Variants in TYW1B observed in about 807,000 individuals in gnomAD.
TYW1B encodes tRNA-yW synthesizing protein 1 homolog B.
TYW1B carries 73 observed loss-of-function variants against 86.9 expected under a neutral mutation model. The observed-to-expected ratio is 0.84, with a 90% CI of 0.70 to 1.02. The LOEUF (loss-of-function observed/expected upper bound fraction) is 1.02, where lower values mean the gene tolerates loss of function less well. Among genes scored for constraint, TYW1B ranks in the 50% least tolerant of loss-of-function variants. The probability of loss-of-function intolerance (pLI) is 0.00; values close to 1 mark genes in which losing one functional copy is unlikely to be tolerated. For synonymous variants in TYW1B, 248 were observed against 292.8 expected (o/e 0.85, Z 1.56); for missense variants, 637 against 827.4 (o/e 0.77, Z 2.82).
At chr7:72,656,617 A>C (rs565775010) in intron 11 of TYW1B, among the ~76,000 whole-genome samples, 2 of 152,208 alleles carry the variant, frequency 1.3e-5, no homozygotes, top group East Asian at 3.9e-4. Flanking sequence ...GTCTCAAAAA[A>C]AAAAAGAAAA....
intron 11 of TYW1B, among the ~76,000 whole-genome samples, chr7:72,671,402 T>C (rs1813597929): frequency 6.6e-6 from 1 of 152,226 alleles, no homozygotes; most frequent in African/African-American, 2.4e-5. Flanking sequence ...AGTTTGCTTC[T>C]AATCTTCTGC....
chr7:72,632,355 T>TTATATATATATACGTATATATAA lies in TYW1B; in HGVS notation c.1507-3359_1507-3358insTTATATATACGTATATATATATA, dbSNP rs1384285974. Reference sequence around the variant, plus strand: ...TATACACGTATATATATTATATATATTATATATATACGCATATATATTATA... The same window carrying TTATATATATATACGTATATATAA: ...TATACACGTATATATATTATATATATTATATATATATACGTATATATAATATATATATACGCATATATATTATA... On this transcript the variant is annotated intron_variant, in intron 11 of 13. Coordinates refer to ENST00000620995, the MANE Select transcript of TYW1B (RefSeq NM_001145440.3). Among the ~76,000 whole-genome samples, 22 of 117,882 alleles carry TTATATATATATACGTATATATAA rather than the reference T, an allele frequency of 1.9e-4. 1 individual carries two copies. Among genetic ancestry groups the TTATATATATATACGTATATATAA allele is most frequent in the Admixed American group, 6.1e-4 (6 of 9,916 alleles). The allele number at this position is 117,882 out of a possible 152,430, so 77.3% of individuals were successfully genotyped here.
At chr7:72,768,233 C>A (rs112901433) in intron 7 of TYW1B, among the ~76,000 whole-genome samples, 1 of 151,484 alleles carries the variant, frequency 6.6e-6, no homozygotes, top group Admixed American at 6.6e-5. Context: ...AGGGCAAGAC[C>A]CTACCTCAAA....
At chr7:72,816,633 G>C (rs1213254233) in intron 2 of TYW1B, among the ~76,000 whole-genome samples, 2 of 152,280 alleles carry the variant, frequency 1.3e-5, no homozygotes, top group South Asian at 4.1e-4. Context: ...AAACTGATGA[G>C]AGGTTAAACT....
chr7:72,626,004 T>C (rs1268658532), intron 12 of TYW1B, among the ~76,000 whole-genome samples: 1 of 151,882 alleles, frequency 6.6e-6, no homozygotes, highest in Non-Finnish European at 1.5e-5. Flanking sequence ...CATTCTTTAA[T>C]AGCTAAATCA....
intron 7 of TYW1B, among the ~76,000 whole-genome samples, chr7:72,766,613 C>CAA (rs56738770): frequency 0.089 from 7,379 of 82,640 alleles, 644 homozygotes; most frequent in East Asian, 0.32. Context: ...GATTCAGTCT[C>CAA]AAAAAAAAAA....
intron 7 of TYW1B, among the ~76,000 whole-genome samples, chr7:72,762,235 G>C (rs376509263): frequency 1.3e-5 from 2 of 152,072 alleles, no homozygotes; most frequent in African/African-American, 4.8e-5. Flanking sequence ...TGGAGATGTA[G>C]TGTTTTTCAT....
At chr7:72,728,570 G>T (rs1291154310) in intron 9 of TYW1B, among the ~76,000 whole-genome samples, 2 of 152,178 alleles carry the variant, frequency 1.3e-5, no homozygotes, top group Non-Finnish European at 2.9e-5. Flanking sequence ...GCCTCCCAAA[G>T]TGCTGGGATT....
rs1387251269 is a variant in TYW1B, at chr7:72,810,385, C to T, written c.432+86G>A. 20 of 887,230 alleles carry T rather than the reference C, an allele frequency of 2.3e-5. No homozygotes were observed. The East Asian group carries it at 3.9e-4, about 17-fold the overall frequency. 55.0% of individuals were successfully genotyped at this position (887,230 alleles called of 1,614,324 possible). A position where few individuals can be genotyped will look rare whatever the true frequency, so the allele number is the denominator to read the frequency against. On this transcript the variant is annotated intron_variant, in intron 4 of 13. Transcript: ENST00000620995. The stretch of plus-strand genomic sequence containing the variant: ...GTTTATGTGTGTGTACGTGTGTGCA[C>T]GTGTGTTTGTGTGTGTGTACGTGTG...
chr7:72,742,554 G>GAC (rs781975018), intron 8 of TYW1B, among the ~76,000 whole-genome samples: 30 of 152,184 alleles, frequency 2.0e-4, no homozygotes, highest in Non-Finnish European at 3.7e-4. Flanking sequence ...TTGTGACAAT[G>GAC]ACATAAAGGA....
intron 12 of TYW1B, among the ~76,000 whole-genome samples, chr7:72,621,213 C>A (rs1812206061): frequency 7.2e-5 from 11 of 152,300 alleles, no homozygotes; most frequent in Admixed American, 6.5e-4. Context: ...CAGCCTGTGG[C>A]CCTCACCACA....
At chr7:72,651,846 A>G (rs1813067076) in intron 11 of TYW1B, among the ~76,000 whole-genome samples, 1 of 152,204 alleles carries the variant, frequency 6.6e-6, no homozygotes, top group Non-Finnish European at 1.5e-5. Flanking sequence ...GATTAAACAC[A>G]TATTACAATA....
At chr7:72,813,329 C>T (rs1586004600) in intron 3 of TYW1B, among the ~76,000 whole-genome samples, 1 of 152,148 alleles carries the variant, frequency 6.6e-6, no homozygotes, top group Non-Finnish European at 1.5e-5. Context: ...GCACCCACCA[C>T]CAAGCCCAGC....
At chr7:72,583,286 G>A (rs1811199692) in intron 13 of TYW1B, among the ~76,000 whole-genome samples, 1 of 152,168 alleles carries the variant, frequency 6.6e-6, no homozygotes, top group Non-Finnish European at 1.5e-5. Flanking sequence ...GGAGGTGGAG[G>A]TTGCAGTGAG....
chr7:72,688,208 T>C (rs34211311), intron 11 of TYW1B, among the ~76,000 whole-genome samples: 1 of 152,184 alleles, frequency 6.6e-6, no homozygotes, highest in Non-Finnish European at 1.5e-5. Context: ...TCTTCAATAT[T>C]TATTTTCTAA....
chr7:72,672,332 G>A (rs1813626191), intron 11 of TYW1B, among the ~76,000 whole-genome samples: 2 of 151,578 alleles, frequency 1.3e-5, no homozygotes, highest in African/African-American at 4.8e-5. Flanking sequence ...AATACCCAAG[G>A]GATTCTGTTC....
chr7:72,767,914 A>C (rs1554468839), intron 7 of TYW1B, among the ~76,000 whole-genome samples: 1 of 152,082 alleles, frequency 6.6e-6, no homozygotes. Flanking sequence ...CATTCATAAA[A>C]ATTAATTCAA....
At chr7:72,601,361 A>C (rs1234175619) in intron 13 of TYW1B, among the ~76,000 whole-genome samples, 31 of 152,060 alleles carry the variant, frequency 2.0e-4, no homozygotes, top group African/African-American at 7.0e-4. Flanking sequence ...AACAAAAAAA[A>C]CCTGATATAC....
intron 9 of TYW1B, among the ~76,000 whole-genome samples, chr7:72,714,875 T>C (rs113212691): frequency 0.88 from 133,503 of 152,110 alleles, 58,671 homozygotes; most frequent in Middle Eastern, 0.9. Flanking sequence ...GGAGACGGTG[T>C]CACCGCACTC....
Sources: allele counts gnomAD v4.1 joint callset (sites outside exome capture counted in the v4.1 genomes callset), GRCh38; gene constraint gnomAD v4.1.1; transcripts MANE v1.5; gene names NCBI Gene and HGNC (gene_info 2026-07-23, HGNC 2026-07-21).